The following UQCC6 variants were observed in gnomAD, a reference collection of about 807,000 sequenced individuals.
The protein encoded by UQCC6 is ubiquinol-cytochrome c reductase complex assembly factor 6.
chr12:103,963,511 G>A, the UQCC6 span, among the ~76,000 whole-genome samples: 12,614 of 152,108 alleles, frequency 0.083, 723 homozygotes, highest in East Asian at 0.22. Context: ...ACCCAAAAAC[G>A]CTTACCTGGA....
the UQCC6 span, among the ~76,000 whole-genome samples, chr12:103,961,251 A>G: frequency 6.6e-6 from 1 of 152,040 alleles, no homozygotes; most frequent in Admixed American, 6.5e-5. Flanking sequence ...ATAGCTGTAC[A>G]ATGTGTGTTT....
the UQCC6 span, among the ~76,000 whole-genome samples, chr12:103,955,252 G>A: frequency 2.6e-5 from 4 of 152,148 alleles, no homozygotes; most frequent in African/African-American, 9.7e-5. Flanking sequence ...GGAAGGCAGA[G>A]GTTGCAGTGA....
chr12:103,954,477 A>C, the UQCC6 span, among the ~76,000 whole-genome samples: 4 of 152,194 alleles, frequency 2.6e-5, no homozygotes, highest in Non-Finnish European at 4.4e-5. Context: ...AGTGAGAGAG[A>C]GAGCCAGGTT....
the UQCC6 span, among the ~76,000 whole-genome samples, chr12:103,965,264 TAA>T: frequency 3.4e-4 from 52 of 152,054 alleles, 2 homozygotes; most frequent in Non-Finnish European, 2.2e-4. Context: ...CACTGAGATT[TAA>T]AAGAGGGGTT....
the UQCC6 span, chr12:103,954,801 A>G: frequency 8.2e-6 from 5 of 613,136 alleles, no homozygotes; most frequent in South Asian, 1.9e-5. Context: ...TTTACTCTAC[A>G]TACTTGAACT....
the UQCC6 span, chr12:103,954,865 A>AAC: frequency 1.5e-6 from 1 of 684,070 alleles, no homozygotes; most frequent in South Asian, 1.6e-5. Context: ...GGAGCAAAAA[A>AAC]GAGACATACC....
At chr12:103,955,645 A>T in the UQCC6 span, 1 of 419,902 alleles carries the variant, frequency 2.4e-6, no homozygotes, top group Admixed American at 2.9e-5. Context: ...TTTTAAAATT[A>T]TTTTTCAATA....
chr12:103,955,354 G>C, the UQCC6 span, among the ~76,000 whole-genome samples: 1 of 150,018 alleles, frequency 6.7e-6, no homozygotes, highest in South Asian at 2.1e-4. Flanking sequence ...AATACAAATG[G>C]AGCCAGGCAC....
chr12:103,961,571 T>TTGC, the UQCC6 span, among the ~76,000 whole-genome samples: 1 of 146,240 alleles, frequency 6.8e-6, no homozygotes, highest in Admixed American at 7.0e-5. Context: ...GTTGTTGTTG[T>TTGC]TTTGAGACAG....
At chr12:103,954,329 A>AAAGAG in the UQCC6 span, among the ~76,000 whole-genome samples, 137,052 of 151,884 alleles carry the variant, frequency 0.9, 61,907 homozygotes, top group East Asian at 1. Flanking sequence ...TTTATAAAGA[A>AAAGAG]GTTTATTTGG....
chr12:103,956,392 C>G, the UQCC6 span: 3 of 402,170 alleles, frequency 7.5e-6, no homozygotes, highest in Non-Finnish European at 1.3e-5. Flanking sequence ...AGCGGCCAGA[C>G]TGTGTAAGAC....
the UQCC6 span, among the ~76,000 whole-genome samples, chr12:103,959,055 C>G: frequency 6.6e-6 from 1 of 152,210 alleles, no homozygotes; most frequent in Non-Finnish European, 1.5e-5. Context: ...AACCAAATTG[C>G]TGTAACTTTG....
the UQCC6 span, among the ~76,000 whole-genome samples, chr12:103,957,986 T>A: frequency 7.0e-6 from 1 of 142,224 alleles, no homozygotes; most frequent in Non-Finnish European, 1.5e-5. Flanking sequence ...TAATATATAT[T>A]TATATATTTA....
At chr12:103,956,927 G>A in the UQCC6 span, 14 of 566,218 alleles carry the variant, frequency 2.5e-5, no homozygotes, top group Non-Finnish European at 4.4e-5. Context: ...TGAGGGCACT[G>A]AGAGGACGAA....
the UQCC6 span, among the ~76,000 whole-genome samples, chr12:103,961,694 C>G: frequency 1.3e-5 from 2 of 151,872 alleles, no homozygotes; most frequent in Non-Finnish European, 2.9e-5. Context: ...GTAGCTGGGA[C>G]TACAGGTGCC....
At chr12:103,964,458 A>G in the UQCC6 span, among the ~76,000 whole-genome samples, 1 of 152,180 alleles carries the variant, frequency 6.6e-6, no homozygotes, top group African/African-American at 2.4e-5. Context: ...GATTGGGCAG[A>G]GGACCCTGGT....
chr12:103,956,514 A>G, the UQCC6 span: 1 of 686,544 alleles, frequency 1.5e-6, no homozygotes, highest in Non-Finnish European at 2.5e-6. Flanking sequence ...CCACGAGGAG[A>G]ATGGAGTGGT....
At chr12:103,950,570 T>C in the UQCC6 span, 1 of 152,252 alleles carries the variant, frequency 6.6e-6, no homozygotes, top group African/African-American at 2.4e-5. Context: ...TGAAAGCTGC[T>C]GGCATGCTTG....
the UQCC6 span, among the ~76,000 whole-genome samples, chr12:103,952,976 G>A: frequency 2.6e-5 from 4 of 152,200 alleles, no homozygotes; most frequent in African/African-American, 9.6e-5. Flanking sequence ...AGTATTCACA[G>A]AGAGGTTAAG....
Sources: allele counts gnomAD v4.1 joint callset (sites outside exome capture counted in the v4.1 genomes callset), GRCh38; gene constraint gnomAD v4.1.1; transcripts MANE v1.5; gene names NCBI Gene and HGNC (gene_info 2026-07-23, HGNC 2026-07-21).